PTPRR: variants seen among roughly 807,000 people sequenced by gnomAD.
PTPRR encodes protein tyrosine phosphatase receptor type R, also known as receptor-type tyrosine-protein phosphatase R.
In PTPRR, 38 loss-of-function variants were observed where a neutral mutation model predicts 77.2. The ratio of observed to expected loss-of-function variants is 0.49; its 90% CI spans 0.38 to 0.65. The LOEUF (loss-of-function observed/expected upper bound fraction) is 0.65, where lower values mean the gene tolerates loss of function less well. Ranked by LOEUF, PTPRR falls within the 30% of genes least tolerant of loss-of-function variation. PTPRR has a pLI of 0.00. For synonymous variants in PTPRR, 299 were observed against 283.1 expected (o/e 1.06, Z -0.57); for missense variants, 744 against 799.2 (o/e 0.93, Z 0.83).
chr12:70,907,123 GT>G (rs1436382029), intron 1 of PTPRR: 2 of 152,186 alleles, frequency 1.3e-5, no homozygotes, highest in East Asian at 3.8e-4. Context: ...CTACCAGGAA[GT>G]GTTGTGACAT....
At chr12:70,741,812 G>A (rs1440979573) in intron 6 of PTPRR, among the ~76,000 whole-genome samples, 1 of 152,188 alleles carries the variant, frequency 6.6e-6, no homozygotes, top group East Asian at 1.9e-4. Context: ...TGAGCCCTGG[G>A]AAGTGGGGGA....
At chr12:70,750,760 G>T (rs1247357673) in intron 5 of PTPRR, among the ~76,000 whole-genome samples, 2 of 152,142 alleles carry the variant, frequency 1.3e-5, no homozygotes, top group Non-Finnish European at 2.9e-5. Flanking sequence ...CAGAGGCAGA[G>T]AATCTGAAGC....
chr12:70,808,060 C>A (rs557301601), intron 2 of PTPRR, among the ~76,000 whole-genome samples: 1 of 152,108 alleles, frequency 6.6e-6, no homozygotes, highest in East Asian at 1.9e-4. Context: ...AATTAGCAGC[C>A]CTGGGAAAAG....
intron 10 of PTPRR, among the ~76,000 whole-genome samples, chr12:70,665,573 G>C (rs930841023): frequency 6.6e-6 from 1 of 151,002 alleles, no homozygotes; most frequent in Admixed American, 6.6e-5. Flanking sequence ...GTAGAGACGG[G>C]GTTTCACCAT....
At chr12:70,843,720 AAT>A (rs1892435300) in intron 2 of PTPRR, among the ~76,000 whole-genome samples, 3 of 152,136 alleles carry the variant, frequency 2.0e-5, no homozygotes, top group African/African-American at 4.8e-5. Context: ...TAGAATGACT[AAT>A]ATGATTACCA....
At chr12:70,669,587 C>CACACACA (rs1217246223) in intron 10 of PTPRR, among the ~76,000 whole-genome samples, 29 of 150,910 alleles carry the variant, frequency 1.9e-4, no homozygotes, top group African/African-American at 6.4e-4. Context: ...CACACACACA[C>CACACACA]AAGCTTGCAC....
At chr12:70,702,472 G>A (rs984235728) in intron 6 of PTPRR, among the ~76,000 whole-genome samples, 2 of 152,122 alleles carry the variant, frequency 1.3e-5, no homozygotes, top group African/African-American at 4.8e-5. Context: ...GTAGATGCTA[G>A]GCCCAGCAAA....
At chr12:70,839,768 G>A (rs1892365347) in intron 2 of PTPRR, among the ~76,000 whole-genome samples, 1 of 152,144 alleles carries the variant, frequency 6.6e-6, no homozygotes, top group African/African-American at 2.4e-5. Context: ...TGCGGGCCAG[G>A]TATAGAGCTT....
chr12:70,744,092 G>A (rs1402559378), intron 6 of PTPRR, among the ~76,000 whole-genome samples: 1 of 151,992 alleles, frequency 6.6e-6, no homozygotes, highest in Non-Finnish European at 1.5e-5. Flanking sequence ...GTTCCTCTTT[G>A]AAGCAAACAT....
chr12:70,832,945 C>A (rs1174260888), intron 2 of PTPRR, among the ~76,000 whole-genome samples: 1 of 152,068 alleles, frequency 6.6e-6, no homozygotes, highest in African/African-American at 2.4e-5. Context: ...ACAACTAACA[C>A]AAGGTTCCTG....
chr12:70,822,354 ATT>A (rs1892030620), intron 2 of PTPRR, among the ~76,000 whole-genome samples: 1 of 152,210 alleles, frequency 6.6e-6, no homozygotes. Flanking sequence ...GTTTTTCTGC[ATT>A]TGTAGAAACA....
intron 2 of PTPRR, among the ~76,000 whole-genome samples, chr12:70,879,391 T>C (rs1182577489): frequency 1.3e-5 from 2 of 150,834 alleles, no homozygotes; most frequent in Non-Finnish European, 3.0e-5. Flanking sequence ...ACAGATCCTA[T>C]TGTAAAAAAA....
intron 6 of PTPRR, among the ~76,000 whole-genome samples, chr12:70,716,378 T>G (rs1889032157): frequency 6.6e-6 from 1 of 152,144 alleles, no homozygotes; most frequent in African/African-American, 2.4e-5. Context: ...ATTTATGTAT[T>G]TGTAAATTAT....
chr12:70,767,418 C>T (rs11178408), intron 2 of PTPRR, among the ~76,000 whole-genome samples: 3 of 145,702 alleles, frequency 2.1e-5, no homozygotes, highest in Non-Finnish European at 4.6e-5. Flanking sequence ...GAGACAAAGG[C>T]GGCCATTACA....
Position 70,786,898 on chromosome 12 carries a change from T to C in PTPRR, c.358-22120A>G, listed in dbSNP as rs557760942. Among the ~76,000 whole-genome samples, 6 of 152,346 alleles carry C rather than the reference T, an allele frequency of 3.9e-5. No homozygotes were observed. The East Asian group carries it at 7.7e-4, about 20-fold the overall frequency. On this transcript the variant is annotated intron_variant, in intron 2 of 13. Coordinates refer to ENST00000283228, the MANE Select transcript of PTPRR (RefSeq NM_002849.4). The stretch of plus-strand genomic sequence containing the variant: ...CTGATTTTTTCTGTCATGGGGGAAT[T>C]AATAATTTTCTGCATGGTTAAAATG...
rs746595856 is a variant in PTPRR, at chr12:70,658,883, G to GTTTTTTTTTTTTTTT, written c.1766+2042_1766+2056dup. The stretch of plus-strand genomic sequence containing the variant: ...TTCAACGTTAGGGACTTTTGCTCTA[G>GTTTTTTTTTTTTTTT]TTTTTTTTTTTTTTTTTTTTTTTTT... On this transcript the variant is annotated intron_variant, in intron 12 of 13. Transcript: ENST00000283228. Among the ~76,000 whole-genome samples, 38 of 36,936 alleles carry GTTTTTTTTTTTTTTT rather than the reference G, an allele frequency of 1.0e-3. 7 individuals carry two copies. Among genetic ancestry groups the GTTTTTTTTTTTTTTT allele is most frequent in the Non-Finnish European group, 1.5e-3 (31 of 20,632 alleles). 24.2% of individuals were successfully genotyped at this position (36,936 alleles called of 152,430 possible).
intron 13 of PTPRR, among the ~76,000 whole-genome samples, chr12:70,653,374 G>A (rs1284289684): frequency 6.6e-6 from 1 of 152,204 alleles, no homozygotes; most frequent in Non-Finnish European, 1.5e-5. Flanking sequence ...GCAATTATAA[G>A]AGGAGAAGGG....
At chr12:70,788,159 C>A (rs1026197089) in intron 2 of PTPRR, among the ~76,000 whole-genome samples, 1 of 151,972 alleles carries the variant, frequency 6.6e-6, no homozygotes, top group East Asian at 1.9e-4. Flanking sequence ...ATATTTAAGC[C>A]AACATTAAAG....
At chr12:70,766,308 G>T (rs1890820678) in intron 2 of PTPRR, among the ~76,000 whole-genome samples, 1 of 152,168 alleles carries the variant, frequency 6.6e-6, no homozygotes, top group African/African-American at 2.4e-5. Context: ...CCAATACAGA[G>T]AAGTGCTTAA....
Sources: gnomAD v4.1 joint callset for allele counts (sites outside exome capture counted in the v4.1 genomes callset) on GRCh38, gnomAD v4.1.1 for gene constraint, MANE v1.5 for transcripts, NCBI Gene and HGNC (gene_info 2026-07-23, HGNC 2026-07-21) for gene names.